The following TM9SF3 variants were observed in gnomAD, a reference collection of about 807,000 sequenced individuals.
TM9SF3 encodes the protein transmembrane 9 superfamily member 3, also known as SM-11044-binding protein.
A neutral mutation model predicts 78.6 loss-of-function variants in TM9SF3; 14 were observed. That is an observed-to-expected ratio of 0.18 (90% confidence interval 0.12 to 0.28). TM9SF3 has a LOEUF of 0.28. TM9SF3 is among the 10% of genes least tolerant of loss of function. The pLI is 1.00. For missense variants in TM9SF3, 496 were observed against 721.9 expected, an observed-to-expected ratio of 0.69 and a Z score of 3.59; for synonymous variants, 231 against 241.7, an observed-to-expected ratio of 0.96 and a Z score of 0.41.
intron 1 of TM9SF3, among the ~76,000 whole-genome samples, chr10:96,581,146 C>T (rs1173792232): frequency 6.6e-6 from 1 of 152,196 alleles, no homozygotes. Flanking sequence ...AAAGGAATGA[C>T]CTTTATTCTC....
At chr10:96,585,376 A>C (rs1190397336) in intron 1 of TM9SF3, among the ~76,000 whole-genome samples, 1 of 152,212 alleles carries the variant, frequency 6.6e-6, no homozygotes, top group Non-Finnish European at 1.5e-5. Context: ...GCAGTTCTTA[A>C]ACTTTGAGAC....
intron 5 of TM9SF3, among the ~76,000 whole-genome samples, chr10:96,557,287 T>C (rs2134147545): frequency 6.6e-6 from 1 of 152,182 alleles, no homozygotes; most frequent in Non-Finnish European, 1.5e-5. Context: ...TACCCTAATC[T>C]TCCCCTCTAA....
intron 9 of TM9SF3, among the ~76,000 whole-genome samples, chr10:96,540,589 TAAAG>T: frequency 6.6e-6 from 1 of 151,564 alleles, no homozygotes; most frequent in East Asian, 1.9e-4. Flanking sequence ...TGATGAAAAA[TAAAG>T]AGGAAGAATG....
chr10:96,523,535 T>C (rs749068929), intron 14 of TM9SF3, among the ~76,000 whole-genome samples: 3 of 151,886 alleles, frequency 2.0e-5, no homozygotes, highest in Non-Finnish European at 4.4e-5. Flanking sequence ...AATGAATTAT[T>C]TGAGCTAGGC....
At chr10:96,556,097 T>C (rs547932330) in intron 5 of TM9SF3, among the ~76,000 whole-genome samples, 2 of 152,230 alleles carry the variant, frequency 1.3e-5, no homozygotes, top group African/African-American at 4.8e-5. Context: ...TGAGATGTTG[T>C]ATAATTGTGA....
At chr10:96,586,625 C>T (rs1359495297) in intron 1 of TM9SF3, 109 bp downstream of exon 1, 2 of 929,156 alleles carry the variant, frequency 2.2e-6, no homozygotes, top group Non-Finnish European at 2.8e-6. Flanking sequence ...GTCCTCGGGC[C>T]GCAGTGGGGC....
intron 1 of TM9SF3, among the ~76,000 whole-genome samples, chr10:96,580,395 A>G (rs4919033): frequency 0.27 from 40,692 of 151,572 alleles, 6,784 homozygotes; most frequent in South Asian, 0.38. Context: ...CCTCCTGAGT[A>G]ACTAGGACTA....
At chr10:96,567,870 A>G (rs970656991) in intron 2 of TM9SF3, among the ~76,000 whole-genome samples, 1 of 152,262 alleles carries the variant, frequency 6.6e-6, no homozygotes, top group African/African-American at 2.4e-5. Flanking sequence ...ATCACTACAC[A>G]TATTAGGGTA....
At chr10:96,522,402 T>C (rs1206689972) in intron 14 of TM9SF3, 72 bp from the exon 15 acceptor site, 6 of 1,170,404 alleles carry the variant, frequency 5.1e-6, no homozygotes, top group African/African-American at 4.9e-5. Context: ...AAACACTAAA[T>C]ACTCTATGCT....
chr10:96,540,687 A>C lies in TM9SF3; in HGVS notation c.1185+3389T>G, dbSNP rs544268885. 4.2e-4 allele frequency among the ~76,000 whole-genome samples: 63 copies of C among 151,508 alleles called. 1 individual carries two copies. Among genetic ancestry groups the C allele is most frequent in the African/African-American group, 1.5e-3 (62 of 41,268 alleles). The stretch of plus-strand genomic sequence containing the variant: ...GTCTTTGATCTTGATATCTTTATAA[A>C]ATCCTTTTGCTTGCTTTAGCGTTTG... On this transcript the variant is annotated intron_variant, in intron 9 of 14. Coordinates refer to ENST00000371142, the MANE Select transcript of TM9SF3 (RefSeq NM_020123.4).
At chr10:96,565,480 TAAAA>T in intron 2 of TM9SF3, 54 bp from the exon 3 acceptor site, 1 of 1,223,232 alleles carries the variant, frequency 8.2e-7, no homozygotes, top group Non-Finnish European at 1.1e-6. Flanking sequence ...ATAGTTACAT[TAAAA>T]AAAAAAAAGA....
At chr10:96,545,983 C>T (rs1235520970) in intron 8 of TM9SF3, among the ~76,000 whole-genome samples, 1 of 152,232 alleles carries the variant, frequency 6.6e-6, no homozygotes, top group Non-Finnish European at 1.5e-5. Context: ...ATCCTGTACA[C>T]ATTCCACTGG....
chr10:96,533,032 G>T lies in TM9SF3; in HGVS notation c.1325+19C>A. The T allele has an allele frequency of 1.2e-6, 2 of 1,613,132 alleles. No individual in the cohort carries two copies. Among genetic ancestry groups the T allele is most frequent in the South Asian group, 2.2e-5 (2 of 90,962 alleles). On this transcript the variant is annotated intron_variant, in intron 10 of 14. Coordinates refer to ENST00000371142, the MANE Select transcript of TM9SF3 (RefSeq NM_020123.4). ...TATATTGTGTGAAACAATCGCATAA[G>T]ATTTAGCATTCTCTTTACCATTTTT...
chr10:96,549,999 T>G (rs865942486), intron 7 of TM9SF3, among the ~76,000 whole-genome samples: 16 of 152,150 alleles, frequency 1.1e-4, no homozygotes. Context: ...CACAACTTCT[T>G]GGTAGATGTG....
At chr10:96,533,371 A>T (rs2134132678) in intron 9 of TM9SF3, among the ~76,000 whole-genome samples, 181 bp from the exon 10 acceptor site, 2 of 152,334 alleles carry the variant, frequency 1.3e-5, no homozygotes, top group Middle Eastern at 3.4e-3. Context: ...AAGTATTAGA[A>T]CTAAACTGAA....
chr10:96,538,394 C>T (rs972425305), intron 9 of TM9SF3, among the ~76,000 whole-genome samples: 1 of 151,990 alleles, frequency 6.6e-6, no homozygotes, highest in African/African-American at 2.4e-5. Flanking sequence ...AAAATGGATC[C>T]TAGACCTAAA....
chr10:96,565,374 T>C lies in TM9SF3; in HGVS notation c.351A>G (p.Arg117=), dbSNP rs773360779. The C allele has an allele frequency of 8.3e-6, 13 of 1,558,854 alleles. No homozygotes were observed. In the East Asian group the frequency reaches 3.2e-4, roughly 38 times the overall value. ...TTTTTATGGCATATACAAATGCATC[T>C]CTCTTTTCTTTATCTAAATCAATTT... The part of the protein sequence containing the change: ...YCEIDLDKEK[R]DAFVYAIKNH... The change falls in exon 3 of 15, where the codon AGA becomes AGG. Residue 117 remains arginine (R), a synonymous_variant. Transcript: ENST00000371142.
At chr10:96,529,994 T>C (rs961300363) in intron 11 of TM9SF3, among the ~76,000 whole-genome samples, 3 of 152,298 alleles carry the variant, frequency 2.0e-5, no homozygotes, top group Non-Finnish European at 4.4e-5. Context: ...AAAGAAAGTC[T>C]TTTTTATTTT....
At chr10:96,549,416 G>C (rs1346838342) in intron 7 of TM9SF3, among the ~76,000 whole-genome samples, 1 of 152,050 alleles carries the variant, frequency 6.6e-6, no homozygotes, top group Non-Finnish European at 1.5e-5. Context: ...GATTGCCTAG[G>C]TTCCAATCCC....
Sources: allele counts gnomAD v4.1 joint callset (sites outside exome capture counted in the v4.1 genomes callset), GRCh38; gene constraint gnomAD v4.1.1; transcripts MANE v1.5; gene names NCBI Gene and HGNC (gene_info 2026-07-23, HGNC 2026-07-21).